Variants in KIF13A observed in about 807,000 individuals in gnomAD.
The protein encoded by KIF13A is kinesin family member 13A.
A neutral mutation model predicts 212.2 loss-of-function variants in KIF13A; 79 were observed. The observed-to-expected ratio is 0.37, with a 90% CI of 0.31 to 0.45. KIF13A has a LOEUF of 0.45. Among genes scored for constraint, KIF13A ranks in the 20% least tolerant of loss-of-function variants. KIF13A has a pLI of 1.00. For synonymous variants in KIF13A, 789 were observed against 808.6 expected, an observed-to-expected ratio of 0.98 and a Z score of 0.41; for missense variants, 1,901 against 2,209.0, an observed-to-expected ratio of 0.86 and a Z score of 2.79.
intron 7 of KIF13A, among the ~76,000 whole-genome samples, chr6:17,851,420 T>G (rs1423658245): frequency 6.6e-6 from 1 of 152,224 alleles, no homozygotes; most frequent in Non-Finnish European, 1.5e-5. Flanking sequence ...GATAGCAGTT[T>G]GTGTTATGAG....
chr6:17,852,536 G>A (rs1767756290), intron 6 of KIF13A, among the ~76,000 whole-genome samples: 1 of 152,130 alleles, frequency 6.6e-6, no homozygotes, highest in African/African-American at 2.4e-5. Context: ...TCCTACCTCA[G>A]TCACCCACGC....
In KIF13A at chr6:17,855,718, G is replaced by T; in HGVS notation, c.314-101C>A. On this transcript the variant is annotated intron_variant, in intron 5 of 38. Coordinates refer to ENST00000259711, the MANE Select transcript of KIF13A (RefSeq NM_022113.6). The surrounding 1 kb of genome is among the most constrained non-coding windows in gnomAD (Gnocchi z 4.1). ...CCCATATACTGGCCATGGTAACATAGCAGAAGAGTGGCCAACTTAGCCTCA... is the reference window on the plus strand; with the variant it reads ...CCCATATACTGGCCATGGTAACATATCAGAAGAGTGGCCAACTTAGCCTCA... 2.1e-6 allele frequency: 2 copies of T among 961,612 alleles called. No individual in the cohort carries two copies. The highest frequency in any genetic ancestry group is 3.0e-6 in the Non-Finnish European group (2 of 655,786). 59.6% of individuals were successfully genotyped at this position (961,612 alleles called of 1,614,324 possible).
chr6:17,950,607 T>C (rs1340599869), intron 2 of KIF13A: 1 of 985,124 alleles, frequency 1.0e-6, no homozygotes. Context: ...ATCCAACAGC[T>C]GAGCATCTTA....
At position 17,792,196 on chromosome 6, in the gene KIF13A, C is replaced by CAAAAA. The variant is rs10666115; in HGVS notation, c.3222+2048_3222+2052dup. ...CCAGCCTAGGGGACAGAGTGAGACT[C>CAAAAA]AAAAAAAAAAAAAAAAAAAAAGCAG... is the stretch of plus-strand genomic sequence containing the variant. On this transcript the variant is annotated intron_variant, in intron 25 of 38. Transcript: ENST00000259711. Among the ~76,000 whole-genome samples, 73 of 74,944 alleles carry CAAAAA rather than the reference C, an allele frequency of 9.7e-4. 4 individuals carry two copies. The highest frequency in any genetic ancestry group is 9.3e-3 in the Middle Eastern group (1 of 108). The allele number at this position is 74,944 out of a possible 152,430, so 49.2% of individuals were successfully genotyped here. A position where few individuals can be genotyped will look rare whatever the true frequency, so the allele number is the denominator to read the frequency against.
At position 17,872,434 on chromosome 6, in the gene KIF13A, G is replaced by A. The variant is rs1469643230; in HGVS notation, c.220+943C>T. On this transcript the variant is annotated intron_variant, in intron 4 of 38. Coordinates refer to ENST00000259711, the MANE Select transcript of KIF13A (RefSeq NM_022113.6). This position sits in a 1 kb window ranked among gnomAD's most constrained non-coding sequence, Gnocchi z 4.7. ...GTTCACGAGCTCTATTGTACAACAC[G>A]GTGACTATAGTTAATAACAACGTAC... Among the ~76,000 whole-genome samples the A allele has an allele frequency of 1.3e-5, 2 of 152,018 alleles. No homozygotes were observed. Among genetic ancestry groups the A allele is most frequent in the East Asian group, 1.9e-4 (1 of 5,182 alleles).
intron 9 of KIF13A, among the ~76,000 whole-genome samples, chr6:17,841,227 C>T (rs553598833): frequency 6.6e-5 from 10 of 152,088 alleles, no homozygotes; most frequent in Non-Finnish European, 1.0e-4. Flanking sequence ...TGCATGCCAC[C>T]ACACTCAGCT....
intron 3 of KIF13A, among the ~76,000 whole-genome samples, chr6:17,879,840 T>C (rs765583517): frequency 7.9e-5 from 12 of 152,224 alleles, no homozygotes; most frequent in Non-Finnish European, 1.2e-4. Flanking sequence ...AAAGGAGACA[T>C]GCTTTTCTTA....
chr6:17,804,553 T>A, intron 19 of KIF13A, 43 bp from the exon 20 acceptor site: 1 of 1,465,360 alleles, frequency 6.8e-7, no homozygotes, highest in South Asian at 1.4e-5. Context: ...ATAAGAAACA[T>A]AACATCAATT....
intron 2 of KIF13A, among the ~76,000 whole-genome samples, chr6:17,979,336 G>A (rs1780857782): frequency 6.6e-6 from 1 of 152,160 alleles, no homozygotes; most frequent in Non-Finnish European, 1.5e-5. Flanking sequence ...CTATCCTTAT[G>A]AATGTGGGTA....
chr6:17,796,136 T>G (rs547908236), intron 23 of KIF13A, among the ~76,000 whole-genome samples: 2 of 151,528 alleles, frequency 1.3e-5, no homozygotes, highest in South Asian at 2.1e-4. Context: ...GTTAAATAAC[T>G]TGTCCAAAAT....
intron 2 of KIF13A, among the ~76,000 whole-genome samples, chr6:17,964,935 GC>G (rs1259309992): frequency 1.3e-5 from 2 of 151,944 alleles, no homozygotes; most frequent in Non-Finnish European, 2.9e-5. Context: ...CGATTCTCCC[GC>G]CTCAGCCTCC....
At position 17,826,020 on chromosome 6, in the gene KIF13A, A is replaced by T. The variant is rs1376303163; in HGVS notation, c.1619+18T>A. Reference sequence around the variant, plus strand: ...AAAAATGTATACGAAAATATATTACAGAACACAAAGATGTTACCTAAAAAA... The same window carrying T: ...AAAAATGTATACGAAAATATATTACTGAACACAAAGATGTTACCTAAAAAA... On this transcript the variant is annotated intron_variant, in intron 15 of 38. Transcript: ENST00000259711. This position sits in a 1 kb window ranked among gnomAD's most constrained non-coding sequence, Gnocchi z 4.7. 3.7e-6 allele frequency: 6 copies of T among 1,612,340 alleles called. No individual in the cohort carries two copies. The highest frequency in any genetic ancestry group is 5.1e-6 in the Non-Finnish European group (6 of 1,178,546).
intron 2 of KIF13A, among the ~76,000 whole-genome samples, chr6:17,916,686 T>C (rs1477804200): frequency 6.6e-6 from 1 of 152,200 alleles, no homozygotes; most frequent in Non-Finnish European, 1.5e-5. Context: ...TCAAATTGTA[T>C]AGGAAACTCA....
chr6:17,975,561 C>CA (rs1780326183), intron 2 of KIF13A, among the ~76,000 whole-genome samples: 1 of 152,140 alleles, frequency 6.6e-6, no homozygotes, highest in Non-Finnish European at 1.5e-5. Context: ...AAAAAGCTTC[C>CA]AGTACAGAAC....
rs966277285 is a variant in KIF13A, at chr6:17,850,866, G to A, written c.583-409C>T. Among the ~76,000 whole-genome samples the A allele has an allele frequency of 6.6e-6, 1 of 152,132 alleles. No homozygotes were observed. The highest frequency in any genetic ancestry group is 2.4e-5 in the African/African-American group (1 of 41,438). Reference sequence around the variant, plus strand: ...AATACTGTGGCTCCCTGATGGCAGGGTTTTTTCCTTATTCCACTTTGTACA... The same window carrying A: ...AATACTGTGGCTCCCTGATGGCAGGATTTTTTCCTTATTCCACTTTGTACA... On this transcript the variant is annotated intron_variant, in intron 7 of 38. Transcript: ENST00000259711. The surrounding 1 kb of genome is among the most constrained non-coding windows in gnomAD (Gnocchi z 6.2).
rs764763357 is a variant in KIF13A, at chr6:17,800,118, G to A, written c.2455-5C>T. 7 of 1,612,856 alleles carry A rather than the reference G, an allele frequency of 4.3e-6. No homozygotes were observed. In the African/African-American group the frequency reaches 5.3e-5, roughly 12 times the overall value. ...CACGTGGAGACGCCCTGCAACCTGG[G>A]TCAAGGAACCAGAGCACCTTAGAGT... On this transcript the variant is annotated splice_polypyrimidine_tract_variant and splice_region_variant and intron_variant, in intron 20 of 38. Transcript: ENST00000259711.
In KIF13A at chr6:17,777,214, T is replaced by A. The variant is rs1272002714; in HGVS notation, c.4170+63A>T. On this transcript the variant is annotated intron_variant, in intron 34 of 38. Coordinates refer to ENST00000259711, the MANE Select transcript of KIF13A (RefSeq NM_022113.6). This position sits in a 1 kb window ranked among gnomAD's most constrained non-coding sequence, Gnocchi z 4.4. ...CTACTGCCACTGTGTGAATCCCACC[T>A]TCCCCCACCCCAGAGGCTGCGACAT... is the stretch of plus-strand genomic sequence containing the variant. 3 of 1,337,416 alleles carry A rather than the reference T, an allele frequency of 2.2e-6. No homozygotes were observed. In the African/African-American group the frequency reaches 4.3e-5, roughly 19 times the overall value. 82.8% of individuals were successfully genotyped at this position (1,337,416 alleles called of 1,614,324 possible).
intron 2 of KIF13A, among the ~76,000 whole-genome samples, chr6:17,904,424 C>A (rs1422979293): frequency 6.6e-6 from 1 of 152,046 alleles, no homozygotes; most frequent in Admixed American, 6.5e-5. Flanking sequence ...GCCGAGATTG[C>A]ACCACTGCAC....
chr6:17,946,599 G>T (rs983766185), intron 2 of KIF13A, among the ~76,000 whole-genome samples: 8 of 152,152 alleles, frequency 5.3e-5, no homozygotes, highest in African/African-American at 1.7e-4. Flanking sequence ...CATTTCACAT[G>T]CTCTGCATCA....
Sources: allele counts gnomAD v4.1 joint callset (sites outside exome capture counted in the v4.1 genomes callset), GRCh38; gene constraint gnomAD v4.1.1; non-coding constraint Gnocchi (gnomAD v3.1); transcripts MANE v1.5; gene names NCBI Gene and HGNC (gene_info 2026-07-23, HGNC 2026-07-21).